DLGAP1: variants seen among roughly 807,000 people sequenced by gnomAD.
The protein encoded by DLGAP1 is disks large-associated protein 1.
DLGAP1 carries 11 observed loss-of-function variants against 90.8 expected under a neutral mutation model. That is an observed-to-expected ratio of 0.12 (90% CI 0.08 to 0.20). DLGAP1 has a LOEUF of 0.20. DLGAP1 is among the 10% of genes least tolerant of loss of function. DLGAP1 has a pLI of 1.00. For missense variants in DLGAP1, 1,050 were observed against 1,333.8 expected, an observed-to-expected ratio of 0.79 and a Z score of 3.31; for synonymous variants, 558 against 540.7, an observed-to-expected ratio of 1.03 and a Z score of -0.44.
intron 6 of DLGAP1, among the ~76,000 whole-genome samples, chr18:3,730,268 AC>A (rs2147473934): frequency 7.0e-6 from 1 of 143,096 alleles, no homozygotes; most frequent in South Asian, 2.3e-4. Flanking sequence ...ACAAACAACA[AC>A]AACAAAAAAC....
chr18:4,152,751 C>CA (rs1389110423), intron 1 of DLGAP1, among the ~76,000 whole-genome samples: 1 of 152,070 alleles, frequency 6.6e-6, no homozygotes, highest in South Asian at 2.1e-4. Context: ...ACATAGAAGA[C>CA]AAAAATGAGA....
intron 1 of DLGAP1, among the ~76,000 whole-genome samples, chr18:4,225,880 G>T (rs1007833910): frequency 3.3e-5 from 5 of 151,886 alleles, no homozygotes; most frequent in Admixed American, 6.6e-5. Context: ...GAGGTAGAAG[G>T]TTCAAAGGGA....
intron 1 of DLGAP1, among the ~76,000 whole-genome samples, chr18:4,421,984 G>T (rs971541828): frequency 1.3e-5 from 2 of 152,120 alleles, no homozygotes; most frequent in Non-Finnish European, 2.9e-5. Context: ...AAAGTGCTAG[G>T]ATTACAGGTG....
chr18:3,921,597 T>C (rs2072271123), intron 3 of DLGAP1, among the ~76,000 whole-genome samples: 1 of 152,190 alleles, frequency 6.6e-6, no homozygotes, highest in African/African-American at 2.4e-5. Context: ...AAGATATTTG[T>C]CAAAGCACAT....
chr18:3,590,620 C>A (rs536372837), intron 7 of DLGAP1, among the ~76,000 whole-genome samples: 2 of 151,988 alleles, frequency 1.3e-5, no homozygotes, highest in Admixed American at 6.6e-5. Flanking sequence ...TCTGGGAGGT[C>A]GAGGCCAGTG....
chr18:4,171,222 G>T (rs1360480193), intron 1 of DLGAP1, among the ~76,000 whole-genome samples: 1 of 151,974 alleles, frequency 6.6e-6, no homozygotes, highest in Admixed American at 6.6e-5. Context: ...AATGCATAAG[G>T]CCTCTTTAAT....
At chr18:4,048,908 T>C (rs931202173) in intron 2 of DLGAP1, among the ~76,000 whole-genome samples, 3 of 152,210 alleles carry the variant, frequency 2.0e-5, no homozygotes, top group South Asian at 2.1e-4. Context: ...TTAGTTCACA[T>C]GTAACCCTTA....
intron 9 of DLGAP1, among the ~76,000 whole-genome samples, chr18:3,546,808 A>G (rs2053055227): frequency 6.6e-6 from 1 of 152,144 alleles, no homozygotes; most frequent in Non-Finnish European, 1.5e-5. Context: ...ACCTTAAACT[A>G]AAAATAGAAG....
At chr18:3,830,447 C>A (rs1435260714) in intron 4 of DLGAP1, among the ~76,000 whole-genome samples, 1 of 152,172 alleles carries the variant, frequency 6.6e-6, no homozygotes, top group Non-Finnish European at 1.5e-5. Context: ...TGCCTGCAAT[C>A]CCAGCTACTC....
intron 9 of DLGAP1, among the ~76,000 whole-genome samples, chr18:3,557,663 G>C (rs1331501975): frequency 1.3e-5 from 2 of 152,118 alleles, no homozygotes; most frequent in South Asian, 2.1e-4. Context: ...TTGATTTCTA[G>C]TTTAATTCTA....
Position 3,690,630 on chromosome 18 carries a change from G to C in DLGAP1, c.1591+38505C>G, listed in dbSNP as rs558098010. Among the ~76,000 whole-genome samples the C allele has an allele frequency of 3.3e-5, 5 of 152,314 alleles. No individual in the cohort carries two copies. In the South Asian group the frequency reaches 6.2e-4, roughly 19 times the overall value. On this transcript the variant is annotated intron_variant, in intron 7 of 12. Transcript: ENST00000315677. ...GCTGAAATAACACATTTAGAGAAGA[G>C]AGTAATTTTTAAAAAGGAATAAGGA...
intron 2 of DLGAP1, among the ~76,000 whole-genome samples, chr18:4,062,804 C>T (rs1038077594): frequency 6.6e-6 from 1 of 151,964 alleles, no homozygotes; most frequent in Admixed American, 6.6e-5. Context: ...ATTGTTTTAA[C>T]TTTCTTTTTT....
intron 2 of DLGAP1, among the ~76,000 whole-genome samples, chr18:4,032,106 A>T (rs1172034745): frequency 6.6e-6 from 1 of 152,254 alleles, no homozygotes; most frequent in Non-Finnish European, 1.5e-5. Flanking sequence ...TATTAACAGT[A>T]GTTTACCTAA....
intron 3 of DLGAP1, among the ~76,000 whole-genome samples, chr18:3,989,975 A>G (rs1599278900): frequency 6.6e-6 from 1 of 152,166 alleles, no homozygotes; most frequent in Non-Finnish European, 1.5e-5. Context: ...TTAAAAAGTC[A>G]GGAAACAACA....
intron 7 of DLGAP1, among the ~76,000 whole-genome samples, chr18:3,661,571 CTTTTTTTTTTTT>C (rs10549959): frequency 8.0e-6 from 1 of 125,266 alleles, no homozygotes; most frequent in Non-Finnish European, 1.7e-5. Context: ...GCTGTAAGGT[CTTTTTTTTTTTT>C]TTTTTTTTTT....
intron 1 of DLGAP1, among the ~76,000 whole-genome samples, chr18:4,258,018 C>CGCGT (rs1555773247): frequency 1.4e-5 from 2 of 143,484 alleles, no homozygotes; most frequent in African/African-American, 5.5e-5. Flanking sequence ...TGTGCGCGCG[C>CGCGT]GCGCGTATAA....
intron 1 of DLGAP1, among the ~76,000 whole-genome samples, chr18:4,286,291 G>T (rs180726777): frequency 5.9e-5 from 9 of 152,262 alleles, no homozygotes; most frequent in Admixed American, 3.9e-4. Context: ...ATCCAGCTGA[G>T]CCTATTTGAA....
chr18:4,195,948 C>T (rs924513387), intron 1 of DLGAP1, among the ~76,000 whole-genome samples: 1 of 152,198 alleles, frequency 6.6e-6, no homozygotes, highest in African/African-American at 2.4e-5. Flanking sequence ...AAAAACAGGG[C>T]ACAGATAATC....
At chr18:4,421,944 C>T (rs903626798) in intron 1 of DLGAP1, among the ~76,000 whole-genome samples, 1 of 152,080 alleles carries the variant, frequency 6.6e-6, no homozygotes, top group African/African-American at 2.4e-5. Context: ...GAACTCCTGA[C>T]CTCAAGCAAT....
Sources: allele counts gnomAD v4.1 joint callset (sites outside exome capture counted in the v4.1 genomes callset), GRCh38; gene constraint gnomAD v4.1.1; transcripts MANE v1.5; gene names NCBI Gene and HGNC (gene_info 2026-07-23, HGNC 2026-07-21).